PDE11A: variants seen among roughly 807,000 people sequenced by gnomAD.
PDE11A encodes dual 3',5'-cyclic-AMP and -GMP phosphodiesterase 11A.
In PDE11A, 100 loss-of-function variants were observed where a neutral mutation model predicts 100.5. The ratio of observed to expected loss-of-function variants is 1.00; its 90% CI spans 0.85 to 1.18. The LOEUF (loss-of-function observed/expected upper bound fraction) is 1.18, where lower values mean the gene tolerates loss of function less well. Among genes scored for constraint, PDE11A ranks in the 50% most tolerant of loss-of-function variants. The pLI, the probability that PDE11A is intolerant of heterozygous loss-of-function variation, is 0.00. For synonymous variants in PDE11A, 381 were observed against 420.8 expected (o/e 0.91, Z 1.16); for missense variants, 1,141 against 1,152.6 (o/e 0.99, Z 0.15).
At chr2:178,011,251 A>G (rs2086270728) in intron 2 of PDE11A, among the ~76,000 whole-genome samples, 2 of 152,140 alleles carry the variant, frequency 1.3e-5, no homozygotes, top group South Asian at 4.2e-4. Context: ...GGTGGAGGGC[A>G]TGATGAGAGC....
intron 16 of PDE11A, among the ~76,000 whole-genome samples, chr2:177,677,391 T>C (rs1053194787): frequency 6.6e-6 from 1 of 152,192 alleles, no homozygotes; most frequent in African/African-American, 2.4e-5. Context: ...GAATCCTTTG[T>C]CTGACAGAAG....
chr2:177,892,700 G>C (rs1287489958), intron 4 of PDE11A, among the ~76,000 whole-genome samples: 1 of 152,174 alleles, frequency 6.6e-6, no homozygotes, highest in African/African-American at 2.4e-5. Flanking sequence ...TGCTCACCCA[G>C]ACTGGCCTCT....
chr2:178,053,271 T>C (rs2086852279), intron 1 of PDE11A, among the ~76,000 whole-genome samples: 1 of 152,192 alleles, frequency 6.6e-6, no homozygotes, highest in South Asian at 2.1e-4. Flanking sequence ...AACCACATGA[T>C]TATCTCAATA....
intron 1 of PDE11A, among the ~76,000 whole-genome samples, chr2:178,016,131 ATT>A (rs55638601): frequency 2.5e-4 from 21 of 83,740 alleles, no homozygotes; most frequent in African/African-American, 9.3e-4. Flanking sequence ...TGCCTGGCTA[ATT>A]TTTTTTTTTT....
At chr2:177,777,055 C>T (rs1294230360) in intron 9 of PDE11A, among the ~76,000 whole-genome samples, 1 of 152,118 alleles carries the variant, frequency 6.6e-6, no homozygotes, top group Non-Finnish European at 1.5e-5. Flanking sequence ...TTCCCTTCTG[C>T]TGATTGTAAG....
chr2:177,735,472 A>C (rs1208654225), intron 10 of PDE11A, among the ~76,000 whole-genome samples: 2 of 152,138 alleles, frequency 1.3e-5, no homozygotes, highest in African/African-American at 4.8e-5. Context: ...TATGAGATGC[A>C]AAGAAGCACA....
exon 2 of PDE11A, chr2:178,104,445 T>C: frequency 1.2e-6 from 2 of 1,613,178 alleles, no homozygotes; most frequent in Non-Finnish European, 1.7e-6. Context: ...AATAAAGGTC[T>C]TCTTGCCTGC....
intron 2 of PDE11A, among the ~76,000 whole-genome samples, chr2:178,078,827 A>T (rs2087246937): frequency 6.6e-6 from 1 of 152,206 alleles, no homozygotes; most frequent in Admixed American, 6.5e-5. Flanking sequence ...AATATCTTAA[A>T]TAATCAAGAT....
chr2:177,724,930 G>C (rs546785248), intron 12 of PDE11A, among the ~76,000 whole-genome samples: 1 of 152,084 alleles, frequency 6.6e-6, no homozygotes, highest in South Asian at 2.1e-4. Context: ...TGAATCCAAT[G>C]GTTGGTACAT....
chr2:177,894,684 T>C (rs2084581794), intron 4 of PDE11A, among the ~76,000 whole-genome samples: 2 of 152,138 alleles, frequency 1.3e-5, no homozygotes, highest in Non-Finnish European at 2.9e-5. Context: ...TACCAAATTA[T>C]AAACAAGACC....
intron 1 of PDE11A, among the ~76,000 whole-genome samples, chr2:178,024,789 T>C (rs553075669): frequency 1.3e-5 from 2 of 152,356 alleles, no homozygotes; most frequent in Admixed American, 6.5e-5. Flanking sequence ...TTAGTAATAC[T>C]CATTTAATTC....
intron 19 of PDE11A, among the ~76,000 whole-genome samples, chr2:177,656,465 T>C (rs1056335395): frequency 2.0e-5 from 3 of 151,082 alleles, no homozygotes; most frequent in Admixed American, 6.6e-5. Flanking sequence ...TCTCAGAATG[T>C]ATCCCTGTTG....
intron 1 of PDE11A, among the ~76,000 whole-genome samples, chr2:178,026,750 T>A (rs143298231): frequency 6.6e-6 from 1 of 152,148 alleles, no homozygotes; most frequent in Non-Finnish European, 1.5e-5. Flanking sequence ...AACACATTTT[T>A]AAATAAAATG....
intron 1 of PDE11A, among the ~76,000 whole-genome samples, chr2:178,068,243 T>C (rs910533649): frequency 1.4e-4 from 22 of 152,052 alleles, no homozygotes; most frequent in Non-Finnish European, 2.4e-4. Flanking sequence ...TTTTTTTTTT[T>C]CCATTTACGA....
At chr2:177,692,666 A>T (rs554222830) in intron 15 of PDE11A, among the ~76,000 whole-genome samples, 4 of 152,318 alleles carry the variant, frequency 2.6e-5, no homozygotes, top group African/African-American at 9.6e-5. Flanking sequence ...TGAGTTGGAA[A>T]ATCAGAGTGA....
chr2:177,958,698 T>C (rs1204253621), intron 2 of PDE11A, among the ~76,000 whole-genome samples: 1 of 152,226 alleles, frequency 6.6e-6, no homozygotes, highest in Admixed American at 6.5e-5. Flanking sequence ...CATAATTCCT[T>C]AAACTGAGCA....
intron 2 of PDE11A, among the ~76,000 whole-genome samples, chr2:177,970,196 A>G (rs1041900450): frequency 6.6e-6 from 1 of 152,182 alleles, no homozygotes; most frequent in African/African-American, 2.4e-5. Context: ...TTCAAATGCC[A>G]TGCTAAAAAG....
At chr2:177,969,922 A>G (rs558650667) in intron 2 of PDE11A, among the ~76,000 whole-genome samples, 21 of 152,332 alleles carry the variant, frequency 1.4e-4, no homozygotes, top group African/African-American at 5.1e-4. Flanking sequence ...CTCTGCTTTC[A>G]TATTTATGCT....
chr2:177,888,942 G>A (rs1358272400), intron 4 of PDE11A, among the ~76,000 whole-genome samples: 1 of 152,144 alleles, frequency 6.6e-6, no homozygotes, highest in Non-Finnish European at 1.5e-5. Flanking sequence ...GTATCTACAA[G>A]TATATGCTCC....
Sources: allele counts gnomAD v4.1 joint callset (sites outside exome capture counted in the v4.1 genomes callset), GRCh38; gene constraint gnomAD v4.1.1; transcripts MANE v1.5; gene names NCBI Gene and HGNC (gene_info 2026-07-23, HGNC 2026-07-21).